Variants in NCOR1 observed in about 807,000 individuals in gnomAD.
NCOR1 encodes the protein protein phosphatase 1, regulatory subunit 109.
A neutral mutation model predicts 288.1 loss-of-function variants in NCOR1; 63 were observed. That is an observed-to-expected ratio of 0.22 (90% CI 0.18 to 0.27). The LOEUF (loss-of-function observed/expected upper bound fraction) is 0.27. Ranked by LOEUF, NCOR1 falls within the 10% of genes least tolerant of loss-of-function variation. NCOR1 has a pLI of 1.00. For missense variants in NCOR1, 2,397 were observed against 3,019.2 expected (o/e 0.79, Z 4.83); for synonymous variants, 1,007 against 1,065.9 (o/e 0.94, Z 1.08).
intron 22 of NCOR1, among the ~76,000 whole-genome samples, chr17:16,088,749 G>T (rs1231154010): frequency 6.6e-6 from 1 of 152,044 alleles, no homozygotes; most frequent in East Asian, 1.9e-4. Context: ...CTGAGGCTCA[G>T]AAAAATCACA....
At chr17:16,077,454 A>AGGAGAGGGGAGGAGAGGGGAGGAGAGGG (rs2062647486) in intron 26 of NCOR1, among the ~76,000 whole-genome samples, 1 of 71,716 alleles carries the variant, frequency 1.4e-5, no homozygotes, top group Non-Finnish European at 2.9e-5. Flanking sequence ...AAAGGGAAGG[A>AGGAGAGGGGAGGAGAGGGGAGGAGAGGG]GAGGAGAGGG....
intron 44 of NCOR1, among the ~76,000 whole-genome samples, chr17:16,036,707 C>T (rs1029011118): frequency 6.6e-6 from 1 of 152,192 alleles, no homozygotes; most frequent in Admixed American, 6.5e-5. Context: ...GTGGCTTCCT[C>T]GCCTCTCTGA....
chr17:16,127,595 A>G (rs898688372), intron 14 of NCOR1, among the ~76,000 whole-genome samples: 4 of 146,234 alleles, frequency 2.7e-5, no homozygotes, highest in Admixed American at 2.1e-4. Flanking sequence ...GTATATATGT[A>G]TGTATACATA....
intron 14 of NCOR1, among the ~76,000 whole-genome samples, chr17:16,129,162 G>C (rs113116618): frequency 6.6e-6 from 1 of 151,994 alleles, no homozygotes; most frequent in African/African-American, 2.4e-5. Context: ...ATACTTTTAG[G>C]TCATGGCCAT....
At chr17:16,042,945 GAGT>G (rs1276480874) in intron 42 of NCOR1, among the ~76,000 whole-genome samples, 3 of 152,190 alleles carry the variant, frequency 2.0e-5, no homozygotes, top group Non-Finnish European at 4.4e-5. Flanking sequence ...CAACTCCCCA[GAGT>G]AGATGAGATG....
intron 28 of NCOR1, 113 bp from the exon 29 acceptor site, chr17:16,072,341 G>C: frequency 1.4e-6 from 1 of 702,524 alleles, no homozygotes; most frequent in Non-Finnish European, 2.3e-6. Context: ...ATGAAGGAAG[G>C]AATGTCAATT....
At chr17:16,064,807 C>A in intron 34 of NCOR1, 63 bp downstream of exon 34, 2 of 1,438,788 alleles carry the variant, frequency 1.4e-6, no homozygotes, top group South Asian at 1.5e-5. Flanking sequence ...CCTTAAAAGG[C>A]TATGTTGTAA....
chr17:16,101,774 A>T lies in NCOR1; in HGVS notation c.2183-17T>A, dbSNP rs1281504039. 2.5e-6 allele frequency: 4 copies of T among 1,613,938 alleles called. No individual in the cohort carries two copies. Among genetic ancestry groups the T allele is most frequent in the Non-Finnish European group, 3.4e-6 (4 of 1,179,866 alleles). On this transcript the variant is annotated splice_polypyrimidine_tract_variant and intron_variant, in intron 19 of 45. Transcript: ENST00000268712. ...CAGCTTCAACTGGTGAAGGAGAAGG[A>T]GCACTTTCTGTATCAGAACTATTTT...
intron 5 of NCOR1, among the ~76,000 whole-genome samples, chr17:16,163,696 G>A (rs1361682282): frequency 3.9e-5 from 6 of 152,018 alleles, no homozygotes; most frequent in Non-Finnish European, 7.4e-5. Flanking sequence ...ACAAAAACGA[G>A]TACATGAATC....
At chr17:16,208,791 A>G (rs1443803099) in intron 1 of NCOR1, among the ~76,000 whole-genome samples, 2 of 152,040 alleles carry the variant, frequency 1.3e-5, no homozygotes, top group Admixed American at 6.6e-5. Flanking sequence ...AACTATGATC[A>G]CACCACTACA....
chr17:16,149,382 A>T, intron 9 of NCOR1, 69 bp downstream of exon 9: 1 of 835,918 alleles, frequency 1.2e-6, no homozygotes, highest in South Asian at 2.0e-5. Flanking sequence ...AACAGTAGGA[A>T]AGTGAATGCC....
At chr17:16,047,199 C>T (rs1051809778) in intron 41 of NCOR1, 106 bp from the exon 42 acceptor site, 1 of 1,168,756 alleles carries the variant, frequency 8.6e-7, no homozygotes, top group Admixed American at 2.6e-5. Context: ...ACTACTGCCT[C>T]CTCATCCTGT....
rs1178642424 is a variant in NCOR1 at position 16,072,214 on chromosome 17, C to A, written c.3826G>T (p.Ala1276Ser). Residue 1276 changes from alanine (A) to serine (S), a missense_variant, in exon 29 of 46, where the codon GCA (alanine) becomes TCA (serine). Physicochemically the swap from Ala to Ser is moderately conservative, Grantham distance 99. This residue lies in a region of NCOR1 where 1,872 missense variants were observed against 2,187.8 expected (regional missense o/e 0.86). Transcript: ENST00000268712. Reference sequence around the variant, plus strand: ...GAATGAGGACTCCCCCTGGGTAATGCTCGGCATATCAGCCCTTCCAAAACA... The same window carrying A: ...GAATGAGGACTCCCCCTGGGTAATGATCGGCATATCAGCCCTTCCAAAACA... ...SAPLEGLICR[A>S]LPRGSPHSDL... The A allele has an allele frequency of 6.2e-7, 1 of 1,610,970 alleles. No homozygotes were observed. Among genetic ancestry groups the A allele is most frequent in the Non-Finnish European group, 8.5e-7 (1 of 1,178,326 alleles).
At chr17:16,186,759 A>G in intron 2 of NCOR1, 72 bp from the exon 3 acceptor site, 1 of 1,461,354 alleles carries the variant, frequency 6.8e-7, no homozygotes, top group Non-Finnish European at 9.4e-7. Context: ...AAGCAAGTAT[A>G]AAGGTAGTTA....
intron 12 of NCOR1, 48 bp from the exon 13 acceptor site, chr17:16,138,260 C>G (rs1440669545): frequency 2.1e-6 from 3 of 1,446,690 alleles, no homozygotes; most frequent in Admixed American, 2.0e-5. Flanking sequence ...AATATTTCAA[C>G]AACTAAAAAA....
chr17:16,155,918 T>G (rs1357417358), intron 6 of NCOR1, among the ~76,000 whole-genome samples: 1 of 152,130 alleles, frequency 6.6e-6, no homozygotes, highest in Non-Finnish European at 1.5e-5. Flanking sequence ...TCTAGGCCCA[T>G]TGTGCTCTCC....
At chr17:16,137,791 T>C (rs756170671) in intron 13 of NCOR1, 1 of 230,882 alleles carries the variant, frequency 4.3e-6, no homozygotes, top group Non-Finnish European at 8.2e-6. Flanking sequence ...GATTCACAAA[T>C]TTGCTTGTCA....
intron 45 of NCOR1, among the ~76,000 whole-genome samples, chr17:16,033,937 C>T (rs368267058): frequency 1.3e-5 from 2 of 152,164 alleles, no homozygotes; most frequent in East Asian, 3.9e-4. Context: ...CTCAAGTGAT[C>T]TGCCCGCCTC....
intron 7 of NCOR1, among the ~76,000 whole-genome samples, 153 bp downstream of exon 7, chr17:16,153,186 C>G (rs2079137743): frequency 6.6e-6 from 1 of 152,048 alleles, no homozygotes; most frequent in South Asian, 2.1e-4. Flanking sequence ...CAAGTTCACT[C>G]ATCATTACTT....
Sources: gnomAD v4.1 joint callset for allele counts (sites outside exome capture counted in the v4.1 genomes callset) on GRCh38, gnomAD v4.1.1 for gene constraint, gnomAD v4.1.1 regional missense constraint, MANE v1.5 for transcripts, NCBI Gene and HGNC (gene_info 2026-07-23, HGNC 2026-07-21) for gene names.